The following CMTM8 variants were observed in gnomAD, a reference collection of about 807,000 sequenced individuals.
CMTM8 encodes CKLF like MARVEL transmembrane domain containing 8.
Under a neutral mutation model 18.6 loss-of-function variants are expected in CMTM8, and 12 were observed. The observed-to-expected ratio is 0.65, with a 90% CI of 0.41 to 1.05. CMTM8 has a LOEUF of 1.05. CMTM8 is among the 50% of genes least tolerant of loss of function. CMTM8 has a pLI of 0.00. For missense variants in CMTM8, 217 were observed against 227.2 expected, an observed-to-expected ratio of 0.95 and a Z score of 0.29; for synonymous variants, 87 against 90.6, an observed-to-expected ratio of 0.96 and a Z score of 0.23.
At chr3:32,296,272 C>T (rs191453445) in intron 1 of CMTM8, among the ~76,000 whole-genome samples, 27 of 152,232 alleles carry the variant, frequency 1.8e-4, no homozygotes, top group Non-Finnish European at 3.5e-4. Context: ...CACACCTGAC[C>T]CAGACTTCTA....
At chr3:32,255,371 G>A (rs570365234) in intron 1 of CMTM8, among the ~76,000 whole-genome samples, 5 of 152,202 alleles carry the variant, frequency 3.3e-5, no homozygotes, top group Non-Finnish European at 5.9e-5. Context: ...TGTGTGTGCC[G>A]TTTTACAATC....
chr3:32,249,748 G>A (rs1702089405), intron 1 of CMTM8, among the ~76,000 whole-genome samples: 1 of 152,152 alleles, frequency 6.6e-6, no homozygotes, highest in Non-Finnish European at 1.5e-5. Flanking sequence ...TTATTGTTGA[G>A]TTGTACAAGT....
At chr3:32,259,038 C>T (rs1290751584) in intron 1 of CMTM8, 2 of 368,510 alleles carry the variant, frequency 5.4e-6, no homozygotes, top group East Asian at 1.4e-4. Flanking sequence ...AGCAGTGCAG[C>T]AAGCATCTAT....
At chr3:32,284,583 G>T (rs1197568264) in intron 1 of CMTM8, among the ~76,000 whole-genome samples, 1 of 152,178 alleles carries the variant, frequency 6.6e-6, no homozygotes, top group Admixed American at 6.5e-5. Context: ...GTGGACATAG[G>T]ACTTTGAGTA....
chr3:32,249,895 A>G (rs1269204790), intron 1 of CMTM8, among the ~76,000 whole-genome samples: 1 of 152,134 alleles, frequency 6.6e-6, no homozygotes, highest in Non-Finnish European at 1.5e-5. Context: ...GAAAAAGTCC[A>G]ATTTTTATAG....
chr3:32,328,531 C>A (rs1575178705), intron 1 of CMTM8, among the ~76,000 whole-genome samples: 6 of 135,672 alleles, frequency 4.4e-5, no homozygotes, highest in Admixed American at 2.3e-4. Flanking sequence ...GCCTTGGCAA[C>A]AGAGCAGGAC....
Position 32,239,436 on chromosome 3 carries a change from T to C in CMTM8, c.147+317T>C, listed in dbSNP as rs537839908. Among the ~76,000 whole-genome samples, 5 of 151,940 alleles carry C rather than the reference T, an allele frequency of 3.3e-5. No homozygotes were observed. In the South Asian group the frequency reaches 1.0e-3, roughly 32 times the overall value. ...TAGTGGCTATTGAGTTTGTGTTGAG[T>C]GTCAGAGACACCTGGTGCCTTTCTC... On this transcript the variant is annotated intron_variant, in intron 1 of 3. Coordinates refer to ENST00000307526, the MANE Select transcript of CMTM8 (RefSeq NM_178868.5).
intron 1 of CMTM8, among the ~76,000 whole-genome samples, chr3:32,276,599 A>G (rs1702522545): frequency 6.6e-6 from 1 of 152,148 alleles, no homozygotes; most frequent in Admixed American, 6.5e-5. Context: ...TGCGCCACAC[A>G]AGATCTTTGT....
At chr3:32,342,819 T>C (rs143974629) in intron 1 of CMTM8, among the ~76,000 whole-genome samples, 3 of 152,352 alleles carry the variant, frequency 2.0e-5, no homozygotes, top group Non-Finnish European at 4.4e-5. Context: ...GTAGTAATAA[T>C]TGACACAGCA....
intron 1 of CMTM8, among the ~76,000 whole-genome samples, chr3:32,242,056 C>T (rs1325231471): frequency 6.6e-6 from 1 of 152,228 alleles, no homozygotes; most frequent in African/African-American, 2.4e-5. Context: ...CACCATCACT[C>T]TGAAGATTCT....
At chr3:32,264,373 A>G (rs1038368625) in intron 1 of CMTM8, among the ~76,000 whole-genome samples, 1 of 152,184 alleles carries the variant, frequency 6.6e-6, no homozygotes, top group Admixed American at 6.5e-5. Flanking sequence ...AGTGAAGGAG[A>G]AATAAAATCC....
chr3:32,250,624 GTATTT>G (rs1443021550), intron 1 of CMTM8, among the ~76,000 whole-genome samples: 1 of 151,954 alleles, frequency 6.6e-6, no homozygotes, highest in Admixed American at 6.6e-5. Context: ...TTATTTCTAA[GTATTT>G]TATTCTTTTT....
chr3:32,307,464 T>C lies in CMTM8; in HGVS notation c.148-49909T>C, dbSNP rs142720204. On this transcript the variant is annotated intron_variant, in intron 1 of 3. Coordinates refer to ENST00000307526, the MANE Select transcript of CMTM8 (RefSeq NM_178868.5). ...GGTGGGGAGATGGTGTTGGCATGAG[T>C]TGCTGGGAATGAGGGAGAAAGAACA... Among the ~76,000 whole-genome samples, 3 of 152,178 alleles carry C rather than the reference T, an allele frequency of 2.0e-5. No individual in the cohort carries two copies. In the East Asian group the frequency reaches 5.8e-4, roughly 29 times the overall value.
At chr3:32,320,473 G>C (rs1029724947) in intron 1 of CMTM8, among the ~76,000 whole-genome samples, 2 of 152,182 alleles carry the variant, frequency 1.3e-5, no homozygotes, top group Admixed American at 1.3e-4. Context: ...CCTGAGGGTG[G>C]TAGGGGTGGG....
chr3:32,328,062 T>C (rs1696196026), intron 1 of CMTM8, among the ~76,000 whole-genome samples: 1 of 151,966 alleles, frequency 6.6e-6, no homozygotes, highest in Non-Finnish European at 1.5e-5. Flanking sequence ...AATTTAAAAA[T>C]TAGCCTCATT....
intron 1 of CMTM8, among the ~76,000 whole-genome samples, chr3:32,320,669 T>C (rs77818675): frequency 0.042 from 6,443 of 152,346 alleles, 186 homozygotes; most frequent in Middle Eastern, 0.1. Context: ...TCATTTACAC[T>C]GATGCCTCAA....
At chr3:32,261,692 C>T (rs779641541) in intron 1 of CMTM8, among the ~76,000 whole-genome samples, 1 of 152,176 alleles carries the variant, frequency 6.6e-6, no homozygotes, top group Admixed American at 6.5e-5. Flanking sequence ...GGGAATCCCT[C>T]CTTTCTTTCA....
chr3:32,345,856 A>C (rs1309380052), intron 1 of CMTM8, among the ~76,000 whole-genome samples: 1 of 152,222 alleles, frequency 6.6e-6, no homozygotes, highest in Non-Finnish European at 1.5e-5. Flanking sequence ...TGGCTTAGCC[A>C]GAAAATTCTA....
chr3:32,349,952 G>A (rs537119373), intron 1 of CMTM8, among the ~76,000 whole-genome samples: 1 of 152,246 alleles, frequency 6.6e-6, no homozygotes, highest in South Asian at 2.1e-4. Context: ...AGGTTGCAGT[G>A]AGCCAAGATC....
Sources: gnomAD v4.1 joint callset for allele counts (sites outside exome capture counted in the v4.1 genomes callset) on GRCh38, gnomAD v4.1.1 for gene constraint, MANE v1.5 for transcripts, NCBI Gene and HGNC (gene_info 2026-07-23, HGNC 2026-07-21) for gene names.